FOXN3: variants seen among roughly 807,000 people sequenced by gnomAD.
The protein encoded by FOXN3 is forkhead box protein N3.
Under a neutral mutation model 38.4 loss-of-function variants are expected in FOXN3, and 7 were observed. The ratio of observed to expected loss-of-function variants is 0.18; its 90% CI spans 0.10 to 0.34. FOXN3 has a LOEUF of 0.34. FOXN3 is among the 10% of genes least tolerant of loss of function. The probability of loss-of-function intolerance (pLI) is 1.00; values close to 1 mark genes in which losing one functional copy is unlikely to be tolerated. For missense variants in FOXN3, 456 were observed against 613.4 expected, an observed-to-expected ratio of 0.74 and a Z score of 2.71; for synonymous variants, 230 against 242.2, an observed-to-expected ratio of 0.95 and a Z score of 0.47.
At chr14:89,563,488 G>A (rs1345451360) in intron 1 of FOXN3, among the ~76,000 whole-genome samples, 1 of 152,156 alleles carries the variant, frequency 6.6e-6, no homozygotes, top group Non-Finnish European at 1.5e-5. Flanking sequence ...AGGCCTATGA[G>A]AGCCAAACAA....
rs866378211 is a variant in FOXN3 at position 89,511,290 on chromosome 14, T to C, written c.-14-98800A>G. 8.1e-4 allele frequency among the ~76,000 whole-genome samples: 93 copies of C among 114,292 alleles called. 11 individuals carry two copies. The highest frequency in any genetic ancestry group is 1.7e-3 in the African/African-American group (56 of 33,142). The allele number at this position is 114,292 out of a possible 152,430, so 75.0% of individuals were successfully genotyped here. The stretch of plus-strand genomic sequence containing the variant: ...TTCTTTCTTTCTTTCTTTCTTTCTT[T>C]CTTTCTTTCTTTCTTTCTTTTTTGA... On this transcript the variant is annotated intron_variant, in intron 1 of 6. Coordinates refer to the FOXN3 transcript ENST00000345097.
intron 1 of FOXN3, among the ~76,000 whole-genome samples, chr14:89,434,086 G>C (rs1196472250): frequency 6.6e-6 from 1 of 151,274 alleles, no homozygotes; most frequent in African/African-American, 2.4e-5. Context: ...ACTACGCCCG[G>C]CTAATTTTAG....
At chr14:89,439,246 AACTCCAT>A (rs1251686847) in intron 1 of FOXN3, among the ~76,000 whole-genome samples, 3 of 152,184 alleles carry the variant, frequency 2.0e-5, no homozygotes, top group Non-Finnish European at 4.4e-5. Context: ...AATCCAGAGC[AACTCCAT>A]CATGAATAGG....
intron 4 of FOXN3, among the ~76,000 whole-genome samples, chr14:89,211,916 T>C (rs989031222): frequency 6.6e-6 from 1 of 152,330 alleles, no homozygotes; most frequent in Admixed American, 6.5e-5. Flanking sequence ...TATTTGAAGA[T>C]AGGGCCCTTT....
At chr14:89,576,437 G>A (rs1159163868) in intron 1 of FOXN3, 1 of 151,616 alleles carries the variant, frequency 6.6e-6, no homozygotes, top group Non-Finnish European at 1.5e-5. Flanking sequence ...GGACCTTTGA[G>A]CCCAAATGTA....
At chr14:89,573,800 T>A (rs1316279024) in intron 1 of FOXN3, among the ~76,000 whole-genome samples, 3 of 151,972 alleles carry the variant, frequency 2.0e-5, no homozygotes, top group African/African-American at 7.3e-5. Context: ...CATGGCCGGG[T>A]GCATGATCTT....
intron 1 of FOXN3, among the ~76,000 whole-genome samples, chr14:89,560,958 T>C (rs1229097429): frequency 6.6e-6 from 1 of 152,122 alleles, no homozygotes; most frequent in Non-Finnish European, 1.5e-5. Context: ...CCTGGACCAA[T>C]TGGAAAGGAC....
chr14:89,335,097 A>T (rs1219820257), intron 3 of FOXN3, among the ~76,000 whole-genome samples: 1 of 150,790 alleles, frequency 6.6e-6, no homozygotes, highest in Non-Finnish European at 1.5e-5. Flanking sequence ...ACACACACAC[A>T]CACACACACA....
chr14:89,162,938 C>G lies in FOXN3; in HGVS notation c.883G>C (p.Glu295Gln). The change falls in exon 6 of 6, where the codon GAG becomes CAG. Residue 295 changes from glutamate to glutamine, a missense_variant. Glu to Gln is a conservative substitution (Grantham distance 29, BLOSUM62 2). Transcript: ENST00000557258. This position sits in a 1 kb window ranked among gnomAD's most constrained non-coding sequence, Gnocchi z 7.2. ...GGGGAGCCACAAGATGGCTCACTCT[C>G]AGTCCGCATCCGGCAGCTGGTGATG... ...NGITSCRMRT[E>Q]SEPSCGSPVV... is the part of the protein sequence containing the mutation. 1.3e-6 allele frequency: 2 copies of G among 1,578,060 alleles called. No homozygotes were observed. The highest frequency in any genetic ancestry group is 1.7e-6 in the Non-Finnish European group (2 of 1,158,680).
chr14:89,353,192 C>G (rs1596206645), intron 2 of FOXN3, among the ~76,000 whole-genome samples: 1 of 152,152 alleles, frequency 6.6e-6, no homozygotes, highest in East Asian at 1.9e-4. Context: ...TGCTTCCTCA[C>G]TGGTAAAACA....
intron 1 of FOXN3, among the ~76,000 whole-genome samples, chr14:89,563,274 G>A (rs243181): frequency 0.87 from 131,755 of 152,230 alleles, 57,278 homozygotes; most frequent in Admixed American, 0.91. Context: ...ATAAAGGCAC[G>A]TTAAATAACA....
chr14:89,414,556 T>G (rs995947001), intron 1 of FOXN3, among the ~76,000 whole-genome samples: 5 of 146,544 alleles, frequency 3.4e-5, no homozygotes, highest in Admixed American at 6.7e-5. Flanking sequence ...AACCGGTTTT[T>G]TTTTTTTTTT....
chr14:89,494,013 CTT>C (rs1227022822), intron 1 of FOXN3: 1 of 152,152 alleles, frequency 6.6e-6, no homozygotes, highest in Non-Finnish European at 1.5e-5. Context: ...CAACTTTCAA[CTT>C]TGCCCAGATT....
At chr14:89,375,307 T>C (rs1890446405) in intron 2 of FOXN3, among the ~76,000 whole-genome samples, 1 of 152,200 alleles carries the variant, frequency 6.6e-6, no homozygotes, top group African/African-American at 2.4e-5. Flanking sequence ...CAATGAAGTT[T>C]TTTTTAAAAA....
At chr14:89,386,961 T>C (rs1451102184) in intron 2 of FOXN3, among the ~76,000 whole-genome samples, 2 of 152,126 alleles carry the variant, frequency 1.3e-5, no homozygotes, top group Non-Finnish European at 2.9e-5. Context: ...CGCTTCAACA[T>C]ATAAATTGGG....
chr14:89,361,360 CCACCACCTCCAG>C (rs1443961866), intron 2 of FOXN3, among the ~76,000 whole-genome samples: 3 of 13,904 alleles, frequency 2.2e-4, no homozygotes, highest in African/African-American at 4.9e-4. Context: ...ACCACCTCCA[CCACCACCTCCAG>C]CACCACCTCC....
chr14:89,412,481 G>A lies in FOXN3; in HGVS notation c.-5C>T, dbSNP rs369617344. ...GGGAGGCATGACTGGACCCATTTAC[G>A]TGAAGGCTCCTAGTAAAGACATCAC... On this transcript the variant is annotated 5_prime_UTR_variant, in exon 2 of 6. In the 5' UTR this introduces an upstream ATG that the reference lacks. Transcript: ENST00000557258. The surrounding 1 kb of genome is among the most constrained non-coding windows in gnomAD (Gnocchi z 4.7). The A allele has an allele frequency of 2.5e-5, 39 of 1,590,204 alleles. No individual in the cohort carries two copies. Among genetic ancestry groups the A allele is most frequent in the East Asian group, 4.5e-5 (2 of 44,582 alleles).
rs1240202416 is a variant in FOXN3, at chr14:89,384,300, C to T, written c.543+27634G>A. On this transcript the variant is annotated intron_variant, in intron 2 of 5. Transcript: ENST00000557258. Reference sequence around the variant, plus strand: ...CACCTCTGCGCCCACCAGCCTGCTTCACTGTGCTCACTTTGCAGATATAGA... The same window carrying T: ...CACCTCTGCGCCCACCAGCCTGCTTTACTGTGCTCACTTTGCAGATATAGA... Among the ~76,000 whole-genome samples the T allele has an allele frequency of 1.3e-5, 2 of 148,288 alleles. 1 individual carries two copies. Among genetic ancestry groups the T allele is most frequent in the Non-Finnish European group, 3.0e-5 (2 of 66,600 alleles).
chr14:89,359,858 C>G, intron 2 of FOXN3, among the ~76,000 whole-genome samples: 1 of 152,170 alleles, frequency 6.6e-6, no homozygotes, highest in East Asian at 1.9e-4. Context: ...AAGGGTCTCC[C>G]TGGCTGGGGC....
Sources: gnomAD v4.1 joint callset for allele counts (sites outside exome capture counted in the v4.1 genomes callset) on GRCh38, gnomAD v4.1.1 for gene constraint, Gnocchi (gnomAD v3.1) non-coding constraint, MANE v1.5 for transcripts, NCBI Gene and HGNC (gene_info 2026-07-23, HGNC 2026-07-21) for gene names.